NKAIN3: variants seen among roughly 807,000 people sequenced by gnomAD.
NKAIN3 encodes the protein sodium/potassium-transporting ATPase subunit beta-1-interacting protein 3.
NKAIN3 carries 25 observed loss-of-function variants against 30.2 expected under a neutral mutation model. That is an observed-to-expected ratio of 0.83 (90% CI 0.60 to 1.16). NKAIN3 has a LOEUF of 1.16. NKAIN3 is among the 50% of genes most tolerant of loss of function. NKAIN3 has a pLI of 0.00. For missense variants in NKAIN3, 225 were observed against 254.1 expected (o/e 0.89, Z 0.78); for synonymous variants, 91 against 89.6 (o/e 1.02, Z -0.09).
chr8:62,282,971 T>C (rs948273498), intron 1 of NKAIN3, among the ~76,000 whole-genome samples: 12 of 152,210 alleles, frequency 7.9e-5, no homozygotes, highest in African/African-American at 2.9e-4. Flanking sequence ...TTGTCATCGG[T>C]TCATGGTTGT....
At chr8:62,825,893 C>T (rs1167803709) in intron 4 of NKAIN3, among the ~76,000 whole-genome samples, 1 of 152,136 alleles carries the variant, frequency 6.6e-6, no homozygotes, top group East Asian at 1.9e-4. Flanking sequence ...CCACTAGTCA[C>T]AGAGAGGTCT....
chr8:62,659,314 G>A (rs1387742252), intron 3 of NKAIN3, among the ~76,000 whole-genome samples: 1 of 152,208 alleles, frequency 6.6e-6, no homozygotes. Context: ...CAATGGGAGG[G>A]TAGAGTGAAC....
intron 1 of NKAIN3, among the ~76,000 whole-genome samples, chr8:62,492,421 G>T (rs995850076): frequency 6.6e-6 from 1 of 151,978 alleles, no homozygotes; most frequent in African/African-American, 2.4e-5. Context: ...AGTCTTCTTT[G>T]GTCCTAATTT....
In NKAIN3 at chr8:62,968,518, T is replaced by C. The variant is rs557600438; in HGVS notation, c.*3111T>C. Among the ~76,000 whole-genome samples the C allele has an allele frequency of 6.6e-6, 1 of 152,298 alleles. No homozygotes were observed. Among genetic ancestry groups the C allele is most frequent in the Middle Eastern group, 3.4e-3 (1 of 294 alleles). On this transcript the variant is annotated 3_prime_UTR_variant, in exon 7 of 7. Coordinates refer to ENST00000623646, the MANE Select transcript of NKAIN3 (RefSeq NM_001304533.3). ...AAATGAATGCATCCCTTAGCTTGCA[T>C]TCATTGGTCAGAATCTTAACTATCT...
At chr8:62,350,150 C>T (rs77851343) in intron 1 of NKAIN3, among the ~76,000 whole-genome samples, 1 of 152,060 alleles carries the variant, frequency 6.6e-6, no homozygotes, top group Non-Finnish European at 1.5e-5. Flanking sequence ...GGGACTCAAA[C>T]AGATATTTTC....
intron 1 of NKAIN3, among the ~76,000 whole-genome samples, chr8:62,517,867 G>T (rs943611145): frequency 6.6e-6 from 1 of 152,098 alleles, no homozygotes; most frequent in Admixed American, 6.6e-5. Flanking sequence ...TACTAGAAAG[G>T]AGAATGATCC....
At chr8:62,959,433 G>GGTGTGTGTGTGT (rs35737951) in intron 6 of NKAIN3, among the ~76,000 whole-genome samples, 3,457 of 143,198 alleles carry the variant, frequency 0.024, 100 homozygotes, top group East Asian at 0.055. Context: ...GACAAATCAG[G>GGTGTGTGTGTGT]GTGTGTGTGT....
intron 3 of NKAIN3, among the ~76,000 whole-genome samples, chr8:62,671,863 C>G (rs1237620935): frequency 6.6e-6 from 1 of 152,032 alleles, no homozygotes; most frequent in African/African-American, 2.4e-5. Flanking sequence ...GTCATACCCA[C>G]ATATCATCTA....
At chr8:62,530,784 G>T (rs1183483344) in intron 1 of NKAIN3, among the ~76,000 whole-genome samples, 1 of 151,902 alleles carries the variant, frequency 6.6e-6, no homozygotes, top group Admixed American at 6.6e-5. Context: ...GATTACATGT[G>T]TGTGCCACCA....
At chr8:62,666,820 G>GTGGGGTTGAT (rs1813118559) in intron 3 of NKAIN3, among the ~76,000 whole-genome samples, 16 of 152,028 alleles carry the variant, frequency 1.1e-4, no homozygotes, top group Non-Finnish European at 2.9e-5. Flanking sequence ...CCTTACCAAA[G>GTGGGGTTGAT]GAAAGGAGGC....
At chr8:62,532,263 A>G (rs1452247256) in intron 1 of NKAIN3, among the ~76,000 whole-genome samples, 2 of 152,168 alleles carry the variant, frequency 1.3e-5, no homozygotes, top group Non-Finnish European at 2.9e-5. Flanking sequence ...TCATGGTACC[A>G]GGGTAGTGGA....
At chr8:62,385,614 G>T (rs760911162) in intron 1 of NKAIN3, among the ~76,000 whole-genome samples, 3 of 152,210 alleles carry the variant, frequency 2.0e-5, no homozygotes, top group Middle Eastern at 3.4e-3. Context: ...ACATCATATA[G>T]CATGACCACA....
At chr8:62,544,446 AC>A (rs1279881162) in intron 1 of NKAIN3, among the ~76,000 whole-genome samples, 1 of 152,194 alleles carries the variant, frequency 6.6e-6, no homozygotes, top group African/African-American at 2.4e-5. Flanking sequence ...ACTATATAAG[AC>A]ATTTAAACCC....
intron 1 of NKAIN3, among the ~76,000 whole-genome samples, chr8:62,506,746 T>G (rs1009876245): frequency 5.9e-5 from 9 of 152,212 alleles, no homozygotes; most frequent in African/African-American, 2.2e-4. Context: ...GTGCTGGGAT[T>G]ACAGGCATGA....
intron 1 of NKAIN3, among the ~76,000 whole-genome samples, chr8:62,323,110 G>T (rs1459381235): frequency 6.6e-6 from 1 of 152,184 alleles, no homozygotes; most frequent in African/African-American, 2.4e-5. Flanking sequence ...CATTTTGGAA[G>T]ACAGTTTGGC....
chr8:62,909,571 T>A (rs1821874565), intron 4 of NKAIN3, among the ~76,000 whole-genome samples: 1 of 152,136 alleles, frequency 6.6e-6, no homozygotes, highest in African/African-American at 2.4e-5. Context: ...CTATTTAAAT[T>A]CAAATTCTGG....
chr8:62,641,941 G>A (rs1039048585), intron 3 of NKAIN3, among the ~76,000 whole-genome samples: 1 of 151,862 alleles, frequency 6.6e-6, no homozygotes, highest in African/African-American at 2.4e-5. Flanking sequence ...CATAAAAGAG[G>A]CCCTTATTGA....
At chr8:62,787,471 C>A (rs78785207) in intron 4 of NKAIN3, among the ~76,000 whole-genome samples, 4,023 of 152,176 alleles carry the variant, frequency 0.026, 185 homozygotes, top group African/African-American at 0.091. Context: ...TATAAACTTC[C>A]TGTGTAACCA....
Position 62,983,439 on chromosome 8 carries a change from T to C in NKAIN3, c.*18032T>C, listed in dbSNP as rs528345958. 1 of 152,340 alleles carries C rather than the reference T, an allele frequency of 6.6e-6. No individual in the cohort carries two copies. The highest frequency in any genetic ancestry group is 1.5e-5 in the Non-Finnish European group (1 of 68,038). The allele number at this position is 152,340 out of a possible 1,614,324, so 9.4% of individuals were successfully genotyped here. A position where few individuals can be genotyped will look rare whatever the true frequency, so the allele number is the denominator to read the frequency against. On this transcript the variant is annotated 3_prime_UTR_variant, in exon 7 of 7. Transcript: ENST00000623646. ...GGAGAGCCCATTTGCAACCCTCTTCTGTCTCCCTAAGCATTCAACAAACAC... is the reference window on the plus strand; with the variant it reads ...GGAGAGCCCATTTGCAACCCTCTTCCGTCTCCCTAAGCATTCAACAAACAC...
Sources: allele counts gnomAD v4.1 joint callset (sites outside exome capture counted in the v4.1 genomes callset), GRCh38; gene constraint gnomAD v4.1.1; transcripts MANE v1.5; gene names NCBI Gene and HGNC (gene_info 2026-07-23, HGNC 2026-07-21).